KIF21B: variants seen among roughly 807,000 people sequenced by gnomAD.
KIF21B encodes the protein kinesin-like protein KIF21B.
A neutral mutation model predicts 192.9 loss-of-function variants in KIF21B; 85 were observed. That is an observed-to-expected ratio of 0.44 (90% CI 0.37 to 0.53). The LOEUF is 0.53. Ranked by LOEUF, KIF21B falls within the 20% of genes least tolerant of loss-of-function variation. The probability of loss-of-function intolerance (pLI) is 0.00; values close to 1 mark genes in which losing one functional copy is unlikely to be tolerated. For missense variants in KIF21B, 1,716 were observed against 2,194.8 expected, an observed-to-expected ratio of 0.78 and a Z score of 4.36; for synonymous variants, 832 against 884.6, an observed-to-expected ratio of 0.94 and a Z score of 1.05.
At position 201,000,848 on chromosome 1, in the gene KIF21B, C is replaced by T. The variant is rs572445658; in HGVS notation, c.1403-68G>A. ...AATAGGCCAGCGCGGTGGCTCAGACCTATAATTCCAGCACTTTGGGAGGCC... is the reference window on the plus strand; with the variant it reads ...AATAGGCCAGCGCGGTGGCTCAGACTTATAATTCCAGCACTTTGGGAGGCC... On this transcript the variant is annotated intron_variant, in intron 9 of 34. Coordinates refer to ENST00000461742, the MANE Select transcript of KIF21B (RefSeq NM_001252102.2). This position sits in a 1 kb window ranked among gnomAD's most constrained non-coding sequence, Gnocchi z 6.0. The T allele has an allele frequency of 6.4e-7, 1 of 1,554,984 alleles. No individual in the cohort carries two copies. Among genetic ancestry groups the T allele is most frequent in the African/African-American group, 1.4e-5 (1 of 73,502 alleles).
At chr1:200,993,954 G>C (rs1656883725) in intron 15 of KIF21B, among the ~76,000 whole-genome samples, 1 of 136,448 alleles carries the variant, frequency 7.3e-6, no homozygotes, top group Non-Finnish European at 1.6e-5. Flanking sequence ...TCTCCCAAAG[G>C]ACTGGAAGAA....
intron 3 of KIF21B, among the ~76,000 whole-genome samples, chr1:201,008,158 A>G (rs1338638655): frequency 1.3e-5 from 2 of 152,318 alleles, no homozygotes; most frequent in Admixed American, 6.5e-5. Flanking sequence ...CATAGGCCCA[A>G]TGGTCAAGAG....
At chr1:200,994,396 C>A (rs1656915853) in intron 15 of KIF21B, among the ~76,000 whole-genome samples, 1 of 144,346 alleles carries the variant, frequency 6.9e-6, no homozygotes, top group African/African-American at 2.5e-5. Flanking sequence ...TGATTTGAAT[C>A]CTCGGCTGCT....
chr1:200,981,047 G>A lies in KIF21B; in HGVS notation c.3892C>T (p.Leu1298=). The change falls in exon 29 of 35, where the codon CTG becomes TTG. Residue 1298 remains leucine (L), a synonymous_variant. Coordinates refer to ENST00000461742, the MANE Select transcript of KIF21B (RefSeq NM_001252102.2). ...GGAKGARTAP[L]QCVSMAEGHT... is the part of the protein sequence containing the mutation. Reference sequence around the variant, plus strand: ...CCTTCGGCCATGGAGACACACTGCAGTGGGGCCGTCCGTGCACCCTTGGCT... The same window carrying A: ...CCTTCGGCCATGGAGACACACTGCAATGGGGCCGTCCGTGCACCCTTGGCT... 1 of 1,609,936 alleles carries A rather than the reference G, an allele frequency of 6.2e-7. No individual in the cohort carries two copies. Among genetic ancestry groups the A allele is most frequent in the East Asian group, 2.2e-5 (1 of 44,596 alleles).
At chr1:200,976,576 T>C (rs995873314) in intron 32 of KIF21B, among the ~76,000 whole-genome samples, 200 bp downstream of exon 32, 2 of 152,252 alleles carry the variant, frequency 1.3e-5, no homozygotes, top group African/African-American at 4.8e-5. Context: ...TTTAAGTTAT[T>C]ATGAATTTTT....
At chr1:200,991,485 C>T (rs999863052) in intron 17 of KIF21B, among the ~76,000 whole-genome samples, 172 bp downstream of exon 17, 23 of 152,376 alleles carry the variant, frequency 1.5e-4, no homozygotes, top group African/African-American at 5.0e-4. Flanking sequence ...AGAGCCAGGG[C>T]CACAGGCAGG....
chr1:200,992,361 T>A lies in KIF21B; in HGVS notation c.2306A>T (p.Glu769Val). The A allele has an allele frequency of 1.2e-6, 2 of 1,613,138 alleles. No individual in the cohort carries two copies. Among genetic ancestry groups the A allele is most frequent in the Non-Finnish European group, 1.7e-6 (2 of 1,180,022 alleles). Residue 769 changes from glutamate to valine, a missense_variant, in exon 16 of 35, where the codon GAG (glutamate) becomes GTG (valine). Around this residue, in one of 3 missense-constraint regions of KIF21B, gnomAD observed 1,087 missense variants for 1,316.6 expected, o/e 0.83. Transcript: ENST00000461742. ...CTCCACTAGCCGCCGCCGCTGTTGC[T>A]CCTCACGCATCTGCTTCATCAGGGC... is the stretch of plus-strand genomic sequence containing the variant. ...KVALMKQMREEQQRRRLVETK... is the reference protein window; with the variant it reads ...KVALMKQMREVQQRRRLVETK...
At position 200,974,725 on chromosome 1, in the gene KIF21B, G is replaced by A; in HGVS notation, c.4803C>T (p.Phe1601=). 2 of 1,614,160 alleles carry A rather than the reference G, an allele frequency of 1.2e-6. No homozygotes were observed. The highest frequency in any genetic ancestry group is 1.7e-6 in the Non-Finnish European group (2 of 1,179,996). The change falls in exon 34 of 35, where the codon TTC becomes TTT. Residue 1601 remains phenylalanine (F), a synonymous_variant. Coordinates refer to ENST00000461742, the MANE Select transcript of KIF21B (RefSeq NM_001252102.2). ...NAICTNAKHI[F]TASSDLTVKF... ...TGACCAGCACCCACCTGGAGGCTGT[G>A]AAGATATGCTTGGCATTGGTGCAGA... is the stretch of plus-strand genomic sequence containing the variant.
chr1:201,006,851 GACACACAGACACACAC>G (rs1360397008), intron 3 of KIF21B, among the ~76,000 whole-genome samples: 17 of 150,186 alleles, frequency 1.1e-4, no homozygotes, highest in Admixed American at 4.6e-4. Context: ...CAGACACAGA[GACACACAGACACACAC>G]ACACACAGAC....
At chr1:201,012,363 A>C (rs1658284645) in intron 1 of KIF21B, among the ~76,000 whole-genome samples, 1 of 152,316 alleles carries the variant, frequency 6.6e-6, no homozygotes, top group East Asian at 1.9e-4. Context: ...GGACTGACTG[A>C]ATGAATAAAT....
At chr1:201,001,679 T>C (rs1324557033) in intron 9 of KIF21B, 1 of 156,524 alleles carries the variant, frequency 6.4e-6, no homozygotes, top group Non-Finnish European at 1.4e-5. Flanking sequence ...GAAGTAGGTT[T>C]AATATGGAAA....
In KIF21B at chr1:200,974,765, C is replaced by T. The variant is rs1209517597; in HGVS notation, c.4763G>A (p.Ser1588Asn). ...TPIGEIKGHD[S>N]PINAICTNAK... ...ATTGGTGCAGATGGCATTGATGGGA[C>T]TGTCGTGGCCCTTGATCTCACCGAT... The change falls in exon 34 of 35, where the codon AGT becomes AAT. Residue 1588 changes from serine (S) to asparagine (N), a missense_variant. By Grantham distance (46) the Ser-to-Asn change is conservative. Around this residue, in one of 3 missense-constraint regions of KIF21B, gnomAD observed 580 missense variants for 775.5 expected, o/e 0.75. Transcript: ENST00000461742. 1.2e-6 allele frequency: 2 copies of T among 1,614,122 alleles called. No individual in the cohort carries two copies. The highest frequency in any genetic ancestry group is 2.7e-5 in the African/African-American group (2 of 74,946).
chr1:201,004,576 G>T, intron 6 of KIF21B, 121 bp from the exon 7 acceptor site: 2 of 1,139,752 alleles, frequency 1.8e-6, no homozygotes, highest in Non-Finnish European at 2.6e-6. Context: ...CTTGCTCCTT[G>T]GGTGGGTTTA....
chr1:201,002,381 G>A, intron 8 of KIF21B, 31 bp from the exon 9 acceptor site: 3 of 1,598,368 alleles, frequency 1.9e-6, no homozygotes, highest in Non-Finnish European at 2.6e-6. Context: ...GAGCAGTCAG[G>A]CAGCAGAGCT....
rs774574158 is a variant in KIF21B, at chr1:200,998,594, G to T, written c.1886-19C>A. The T allele has an allele frequency of 6.2e-7, 1 of 1,609,628 alleles. No individual in the cohort carries two copies. The highest frequency in any genetic ancestry group is 1.7e-5 in the Admixed American group (1 of 59,974). ...TTCACCTCTATGGGGGCACAATCAG[G>T]CTCAGCCCAGCGTTAGGGCGAGGGG... On this transcript the variant is annotated intron_variant, in intron 13 of 34. Transcript: ENST00000461742. The surrounding 1 kb of genome is among the most constrained non-coding windows in gnomAD (Gnocchi z 4.3).
At position 200,977,202 on chromosome 1, in the gene KIF21B, T is replaced by G. The variant is rs1655616253; in HGVS notation, c.4325+10A>C. 6.2e-7 allele frequency: 1 copy of G among 1,605,038 alleles called. No homozygotes were observed. ...CCAAACCCTCCTCCCTCCCCAGGTA[T>G]CACGCTGACCTGCTAAGCTCCCAGA... On this transcript the variant is annotated intron_variant, in intron 31 of 34. Transcript: ENST00000461742.
chr1:200,998,637 G>C lies in KIF21B; in HGVS notation c.1886-62C>G. On this transcript the variant is annotated intron_variant, in intron 13 of 34. Transcript: ENST00000461742. This position sits in a 1 kb window ranked among gnomAD's most constrained non-coding sequence, Gnocchi z 4.3. ...GCGAGGGGCAAATTGGGGAGCAGAT[G>C]TGCCAGTGCTGGGGAGCTGGGACCC... 9 of 1,506,302 alleles carry C rather than the reference G, an allele frequency of 6.0e-6. No homozygotes were observed. The highest frequency in any genetic ancestry group is 8.2e-6 in the Non-Finnish European group (9 of 1,095,850). 93.3% of individuals were successfully genotyped at this position (1,506,302 alleles called of 1,614,324 possible).
intron 1 of KIF21B, among the ~76,000 whole-genome samples, chr1:201,015,938 C>T (rs1195726441): frequency 6.6e-6 from 1 of 152,194 alleles, no homozygotes; most frequent in Non-Finnish European, 1.5e-5. Context: ...TTGCCTTGTT[C>T]TACGTGTTCT....
At chr1:201,018,338 C>T (rs1455018293) in intron 1 of KIF21B, among the ~76,000 whole-genome samples, 1 of 152,174 alleles carries the variant, frequency 6.6e-6, no homozygotes, top group Non-Finnish European at 1.5e-5. Context: ...TGGAGAAGCT[C>T]CCCAAACACA....
Sources: allele counts gnomAD v4.1 joint callset (sites outside exome capture counted in the v4.1 genomes callset), GRCh38; gene constraint gnomAD v4.1.1; regional missense constraint gnomAD v4.1.1; non-coding constraint Gnocchi (gnomAD v3.1); transcripts MANE v1.5; gene names NCBI Gene and HGNC (gene_info 2026-07-23, HGNC 2026-07-21).